ARHGAP22: variants seen among roughly 807,000 people sequenced by gnomAD.
The protein encoded by ARHGAP22 is Rho GTPase activating protein 22, also known as rho GTPase-activating protein 22.
In ARHGAP22, 48 loss-of-function variants were observed where a neutral mutation model predicts 59.1. The ratio of observed to expected loss-of-function variants is 0.81; its 90% confidence interval spans 0.64 to 1.03. The LOEUF (loss-of-function observed/expected upper bound fraction) is 1.03. Among genes scored for constraint, ARHGAP22 ranks in the 50% least tolerant of loss-of-function variants. ARHGAP22 has a pLI of 0.00. For synonymous variants in ARHGAP22, 445 were observed against 416.4 expected, an observed-to-expected ratio of 1.07 and a Z score of -0.84; for missense variants, 1,015 against 958.7, an observed-to-expected ratio of 1.06 and a Z score of -0.78.
At chr10:48,649,150 C>G (rs1565059152) in intron 1 of ARHGAP22, among the ~76,000 whole-genome samples, 1 of 152,340 alleles carries the variant, frequency 6.6e-6, no homozygotes, top group Middle Eastern at 3.4e-3. Flanking sequence ...GTCCAAGTTT[C>G]TGAATATGGC....
At chr10:48,569,252 T>C (rs927103658) in intron 2 of ARHGAP22, among the ~76,000 whole-genome samples, 1 of 152,234 alleles carries the variant, frequency 6.6e-6, no homozygotes, top group Non-Finnish European at 1.5e-5. Context: ...TGTGCCAGGC[T>C]GATCTGCTGA....
chr10:48,457,300 C>T (rs1007375489), intron 5 of ARHGAP22, among the ~76,000 whole-genome samples: 3 of 152,186 alleles, frequency 2.0e-5, no homozygotes, highest in South Asian at 2.1e-4. Flanking sequence ...GCCCCCCAGC[C>T]GGGCCGCCTG....
intron 1 of ARHGAP22, among the ~76,000 whole-genome samples, chr10:48,649,715 G>T (rs2062470627): frequency 6.6e-6 from 1 of 152,162 alleles, no homozygotes; most frequent in African/African-American, 2.4e-5. Context: ...GAGGCCCACA[G>T]TGATGGAGCT....
intron 3 of ARHGAP22, among the ~76,000 whole-genome samples, chr10:48,548,663 G>T (rs901586784): frequency 6.6e-6 from 1 of 152,222 alleles, no homozygotes; most frequent in Non-Finnish European, 1.5e-5. Context: ...GCCTAAACTT[G>T]GCCTGGGGCT....
At chr10:48,570,553 T>C (rs953156001) in intron 2 of ARHGAP22, among the ~76,000 whole-genome samples, 2 of 152,196 alleles carry the variant, frequency 1.3e-5, no homozygotes, top group Non-Finnish European at 2.9e-5. Flanking sequence ...GTTTGTTTTT[T>C]TCTGAGTGTA....
intron 3 of ARHGAP22, chr10:48,493,533 G>A (rs2050623394): frequency 1.3e-6 from 2 of 1,532,250 alleles, no homozygotes; most frequent in Non-Finnish European, 1.7e-6. Flanking sequence ...GCAGTGGCCA[G>A]ACACACCTGT....
Position 48,453,331 on chromosome 10 carries a change from C to T in ARHGAP22, c.961G>A (p.Val321Ile). ...TCCATGATGGTTACTGGGTCCTCTA[C>T]CTGTGGCCGCAGAATGTTAGGTCCA... is the stretch of plus-strand genomic sequence containing the variant. ...VFGPNILRPQ[V>I]EDPVTIMEGT... Residue 321 changes from valine (V) to isoleucine (I), a missense_variant, in exon 8 of 10, where the codon GTA becomes ATA. Physicochemically the swap from Val to Ile is conservative, Grantham distance 29. Coordinates refer to ENST00000249601, the MANE Select transcript of ARHGAP22 (RefSeq NM_021226.4). 1 of 1,613,988 alleles carries T rather than the reference C, an allele frequency of 6.2e-7. No individual in the cohort carries two copies. The highest frequency in any genetic ancestry group is 8.5e-7 in the Non-Finnish European group (1 of 1,179,958).
At chr10:48,599,809 T>C (rs1479453042) in intron 1 of ARHGAP22, among the ~76,000 whole-genome samples, 1 of 152,192 alleles carries the variant, frequency 6.6e-6, no homozygotes, top group Non-Finnish European at 1.5e-5. Flanking sequence ...GTGGCCTGTC[T>C]CCACCTTTCA....
At chr10:48,595,230 C>T (rs576830894) in intron 1 of ARHGAP22, among the ~76,000 whole-genome samples, 6 of 152,168 alleles carry the variant, frequency 3.9e-5, no homozygotes, top group South Asian at 2.1e-4. Flanking sequence ...ATTTTAAAGC[C>T]GGGCTGGGAA....
At chr10:48,465,325 C>A (rs2047543445) in intron 4 of ARHGAP22, among the ~76,000 whole-genome samples, 1 of 152,240 alleles carries the variant, frequency 6.6e-6, no homozygotes, top group South Asian at 2.1e-4. Flanking sequence ...GTTCCCCTGG[C>A]AAAGCCGTCC....
chr10:48,499,486 T>C (rs1243227717), intron 3 of ARHGAP22, among the ~76,000 whole-genome samples: 2 of 152,312 alleles, frequency 1.3e-5, no homozygotes, highest in East Asian at 3.9e-4. Flanking sequence ...CTGGATATAC[T>C]CAAAGCCAAC....
chr10:48,448,343 TC>T (rs2045567979), intron 9 of ARHGAP22, among the ~76,000 whole-genome samples: 1 of 152,126 alleles, frequency 6.6e-6, no homozygotes, highest in African/African-American at 2.4e-5. Flanking sequence ...CTCCTTCATC[TC>T]CCTTTTAACA....
At chr10:48,584,061 C>A (rs1476939666) in intron 1 of ARHGAP22, among the ~76,000 whole-genome samples, 2 of 152,160 alleles carry the variant, frequency 1.3e-5, no homozygotes, top group Admixed American at 1.3e-4. Context: ...CTCTCTCTGG[C>A]CAGTGTCAAG....
chr10:48,564,225 A>T (rs541576407), intron 2 of ARHGAP22, among the ~76,000 whole-genome samples: 2 of 152,350 alleles, frequency 1.3e-5, no homozygotes, highest in East Asian at 3.9e-4. Flanking sequence ...ACAATCCTCA[A>T]TGTAACATTT....
chr10:48,434,985 A>G, the ARHGAP22 span: 1 of 1,487,332 alleles, frequency 6.7e-7, no homozygotes, highest in East Asian at 2.9e-5. Flanking sequence ...TGATACAGAC[A>G]GCAGTCTAGA....
intron 3 of ARHGAP22, among the ~76,000 whole-genome samples, chr10:48,481,241 G>A (rs1348939373): frequency 6.6e-5 from 10 of 152,214 alleles, no homozygotes; most frequent in Non-Finnish European, 1.5e-5. Context: ...GCCACCTACC[G>A]AGGTTGCCAC....
In ARHGAP22 at chr10:48,542,998, G is replaced by A. The variant is rs139182255; in HGVS notation, c.322+12465C>T. ...CAGTACACCCTCAGCAGAGCAGCAC[G>A]GTCCTAGTGACTGGTGGGAGAGGGA... On this transcript the variant is annotated intron_variant, in intron 3 of 9. Coordinates refer to ENST00000249601, the MANE Select transcript of ARHGAP22 (RefSeq NM_021226.4). Among the ~76,000 whole-genome samples the A allele has an allele frequency of 1.3e-3, 194 of 152,274 alleles. 1 individual carries two copies. The highest frequency in any genetic ancestry group is 4.3e-3 in the African/African-American group (178 of 41,560).
intron 2 of ARHGAP22, among the ~76,000 whole-genome samples, chr10:48,562,689 A>G (rs935705698): frequency 6.6e-6 from 1 of 152,182 alleles, no homozygotes; most frequent in African/African-American, 2.4e-5. Context: ...GCAGTGATGG[A>G]TATGTTTGCT....
At chr10:48,576,574 C>T (rs1168551112) in intron 2 of ARHGAP22, among the ~76,000 whole-genome samples, 1 of 152,198 alleles carries the variant, frequency 6.6e-6, no homozygotes, top group South Asian at 2.1e-4. Flanking sequence ...TATTTGTATG[C>T]TCAAAATCTC....
Sources: gnomAD v4.1 joint callset for allele counts (sites outside exome capture counted in the v4.1 genomes callset) on GRCh38, gnomAD v4.1.1 for gene constraint, MANE v1.5 for transcripts, NCBI Gene and HGNC (gene_info 2026-07-23, HGNC 2026-07-21) for gene names.